The following DAB2IP variants were observed in gnomAD, a reference collection of about 807,000 sequenced individuals.
DAB2IP encodes disabled homolog 2-interacting protein.
DAB2IP carries 28 observed loss-of-function variants against 107.2 expected under a neutral mutation model. The ratio of observed to expected loss-of-function variants is 0.26; its 90% confidence interval spans 0.19 to 0.36. The LOEUF (loss-of-function observed/expected upper bound fraction) is 0.36, where lower values mean the gene tolerates loss of function less well. Among genes scored for constraint, DAB2IP ranks in the 10% least tolerant of loss-of-function variants. The pLI is 1.00. For synonymous variants in DAB2IP, 755 were observed against 706.4 expected, an observed-to-expected ratio of 1.07 and a Z score of -1.09; for missense variants, 1,400 against 1,644.7, an observed-to-expected ratio of 0.85 and a Z score of 2.57.
intron 8 of DAB2IP, among the ~76,000 whole-genome samples, chr9:121,765,717 A>T (rs551724264): frequency 2.0e-5 from 3 of 152,274 alleles, no homozygotes; most frequent in Non-Finnish European, 4.4e-5. Context: ...AGGCTGGGAG[A>T]TGCATCTTTT....
intron 3 of DAB2IP, among the ~76,000 whole-genome samples, chr9:121,700,995 T>C (rs1301191112): frequency 1.3e-5 from 2 of 152,246 alleles, no homozygotes; most frequent in Non-Finnish European, 2.9e-5. Context: ...CCACCCGGTT[T>C]GCTGCCTTCC....
chr9:121,654,332 TA>T (rs1297060472), intron 1 of DAB2IP, among the ~76,000 whole-genome samples: 1 of 152,060 alleles, frequency 6.6e-6, no homozygotes, highest in Non-Finnish European at 1.5e-5. Context: ...TTGGATTTGA[TA>T]AAGGGCCTTG....
intron 1 of DAB2IP, among the ~76,000 whole-genome samples, chr9:121,654,923 AGTTG>A (rs1832911410): frequency 1.3e-5 from 2 of 152,214 alleles, no homozygotes. Flanking sequence ...TGCAAGGAAG[AGTTG>A]GTTGCTGCCA....
At chr9:121,591,140 G>T (rs1480211656) in intron 1 of DAB2IP, among the ~76,000 whole-genome samples, 2 of 152,214 alleles carry the variant, frequency 1.3e-5, no homozygotes, top group Non-Finnish European at 2.9e-5. Context: ...TGGCTGGAGT[G>T]GCTGGAGGCA....
At chr9:121,769,268 G>C (rs995573434) in intron 10 of DAB2IP, among the ~76,000 whole-genome samples, 2 of 152,200 alleles carry the variant, frequency 1.3e-5, no homozygotes, top group Non-Finnish European at 2.9e-5. Context: ...GGCCTGGAAG[G>C]CCCTTCATGC....
chr9:121,615,156 A>G (rs1268749053), intron 1 of DAB2IP, among the ~76,000 whole-genome samples: 1 of 152,198 alleles, frequency 6.6e-6, no homozygotes, highest in Non-Finnish European at 1.5e-5. Context: ...TGTCGGCCCA[A>G]GTATGTTCCA....
chr9:121,742,654 C>CG (rs1184364052), intron 3 of DAB2IP: 1 of 850,160 alleles, frequency 1.2e-6, no homozygotes, highest in Non-Finnish European at 1.4e-6. Flanking sequence ...GGAAGGGCCT[C>CG]GGCCAGCTTG....
rs1047996555 is a variant in DAB2IP at position 121,776,012 on chromosome 9, C to T, written c.3121-186C>T. 3.9e-5 allele frequency among the ~76,000 whole-genome samples: 6 copies of T among 152,100 alleles called. No homozygotes were observed. Among genetic ancestry groups the T allele is most frequent in the African/African-American group, 1.4e-4 (6 of 41,424 alleles). ...GAGGCCCCACGGTGGGGCACAGGCA[C>T]GCGTCTGGCTGCAGCCCCCACCAGC... On this transcript the variant is annotated intron_variant, in intron 13 of 15. Coordinates refer to ENST00000408936, the Ensembl canonical transcript of DAB2IP. The surrounding 1 kb of genome is among the most constrained non-coding windows in gnomAD (Gnocchi z 5.4).
At chr9:121,744,802 A>G (rs993168741) in intron 3 of DAB2IP, among the ~76,000 whole-genome samples, 5 of 152,188 alleles carry the variant, frequency 3.3e-5, no homozygotes, top group African/African-American at 1.2e-4. Context: ...GGGCGTGTGC[A>G]TAGGCGCAAA....
At chr9:121,755,546 C>CT (rs1455357463) in intron 3 of DAB2IP, among the ~76,000 whole-genome samples, 6 of 152,160 alleles carry the variant, frequency 3.9e-5, no homozygotes, top group African/African-American at 1.4e-4. Context: ...TGTGGGGTAT[C>CT]TAAGGGTTGG....
chr9:121,669,603 T>C (rs757358523), intron 1 of DAB2IP, among the ~76,000 whole-genome samples: 4 of 152,120 alleles, frequency 2.6e-5, no homozygotes, highest in Non-Finnish European at 5.9e-5. Context: ...TATAACTGTG[T>C]AGCTTGAGTC....
At chr9:121,724,280 CCCCCACCCCTCCCCGTTCCCTG>C (rs537061677) in intron 3 of DAB2IP, among the ~76,000 whole-genome samples, 117 of 152,234 alleles carry the variant, frequency 7.7e-4, no homozygotes, top group Middle Eastern at 3.4e-3. Flanking sequence ...AGTTGCACTT[CCCCCACCCCTCCCCGTTCCCTG>C]CCCCACGAGT....
At position 121,760,101 on chromosome 9, in the gene DAB2IP, G is replaced by A. The variant is rs1833784394; in HGVS notation, c.832G>A (p.Glu278Lys). Residue 278 changes from glutamate (E) to lysine (K), a missense_variant, in exon 6 of 16, where the codon GAG becomes AAG. By Grantham distance (56) the Glu-to-Lys change is moderately conservative. This residue lies in a region of DAB2IP where 517 missense variants were observed against 748.6 expected (regional missense o/e 0.69). Coordinates refer to ENST00000408936, the Ensembl canonical transcript of DAB2IP. The surrounding 1 kb of genome is among the most constrained non-coding windows in gnomAD (Gnocchi z 5.9). ...CACGGTCACTGTCCACCTGTACCGG[G>A]AGACCGACAAGAAGAAGAAGAAGGA... is the stretch of plus-strand genomic sequence containing the variant. The A allele has an allele frequency of 6.2e-7, 1 of 1,614,038 alleles. No homozygotes were observed. Among genetic ancestry groups the A allele is most frequent in the South Asian group, 1.1e-5 (1 of 91,082 alleles).
At chr9:121,706,611 G>A (rs1382919127) in intron 3 of DAB2IP, among the ~76,000 whole-genome samples, 1 of 152,174 alleles carries the variant, frequency 6.6e-6, no homozygotes, top group East Asian at 1.9e-4. Context: ...CCATCAAGAG[G>A]AGTGATTGTA....
rs1274408399 is a variant in DAB2IP, at chr9:121,736,628, C to T, written c.363-20385C>T. On this transcript the variant is annotated intron_variant, in intron 3 of 15. Transcript: ENST00000408936. The surrounding 1 kb of genome is among the most constrained non-coding windows in gnomAD (Gnocchi z 4.6). ...AGAGGGTTTGGGGCGTGGCGCAGCC[C>T]GACGTTAGTCCGGAATGCTCTGGGA... 1.3e-5 allele frequency among the ~76,000 whole-genome samples: 2 copies of T among 152,172 alleles called. No individual in the cohort carries two copies. Among genetic ancestry groups the T allele is most frequent in the South Asian group, 2.1e-4 (1 of 4,826 alleles).
intron 2 of DAB2IP, among the ~76,000 whole-genome samples, chr9:121,693,916 C>T (rs559354039): frequency 6.6e-5 from 10 of 152,276 alleles, no homozygotes; most frequent in South Asian, 6.2e-4. Context: ...GTGGGGCTCC[C>T]GGGTGTCCAG....
Position 121,768,647 on chromosome 9 carries a change from TG to T in DAB2IP, c.1899+18del. On this transcript the variant is annotated intron_variant, in intron 10 of 15. Transcript: ENST00000408936. ...CAGCTGGAGCAGGTGCCTGTTGCCGTGGGGCGGAGGTGGGGCCAAAAGCTGC... is the reference window on the plus strand; with the variant it reads ...CAGCTGGAGCAGGTGCCTGTTGCCGTGGGCGGAGGTGGGGCCAAAAGCTGC... 1.2e-6 allele frequency: 2 copies of T among 1,612,678 alleles called. No individual in the cohort carries two copies. The highest frequency in any genetic ancestry group is 1.7e-6 in the Non-Finnish European group (2 of 1,179,984).
exon 12 of DAB2IP, chr9:121,773,424 C>T (rs371407818): frequency 1.0e-5 from 16 of 1,560,838 alleles, no homozygotes; most frequent in South Asian, 1.3e-5. Context: ...CCCCAGTACC[C>T]GCCTGAGGCA....
intron 3 of DAB2IP, among the ~76,000 whole-genome samples, chr9:121,703,436 A>G (rs1829885874): frequency 6.6e-6 from 1 of 152,042 alleles, no homozygotes; most frequent in South Asian, 2.1e-4. Context: ...TGTCAAGATG[A>G]TAGTGCAGTT....
Sources: gnomAD v4.1 joint callset for allele counts (sites outside exome capture counted in the v4.1 genomes callset) on GRCh38, gnomAD v4.1.1 for gene constraint, gnomAD v4.1.1 regional missense constraint, Gnocchi (gnomAD v3.1) non-coding constraint, MANE v1.5 for transcripts, NCBI Gene and HGNC (gene_info 2026-07-23, HGNC 2026-07-21) for gene names.